PTPRG: variants seen among roughly 807,000 people sequenced by gnomAD.
PTPRG encodes protein tyrosine phosphatase receptor type G.
In PTPRG, 102 loss-of-function variants were observed where a neutral mutation model predicts 165.3. The observed-to-expected ratio is 0.62, with a 90% CI of 0.53 to 0.73. The LOEUF (loss-of-function observed/expected upper bound fraction) is 0.73. Among genes scored for constraint, PTPRG ranks in the 30% least tolerant of loss-of-function variants. PTPRG has a pLI of 0.00. For synonymous variants in PTPRG, 675 were observed against 669.5 expected (o/e 1.01, Z -0.13); for missense variants, 1,866 against 1,861.4 (o/e 1.00, Z -0.05).
intron 4 of PTPRG, among the ~76,000 whole-genome samples, chr3:62,009,129 A>G (rs1336906780): frequency 6.6e-6 from 1 of 152,240 alleles, no homozygotes; most frequent in Non-Finnish European, 1.5e-5. Flanking sequence ...TCATAAAAAG[A>G]ACAAAATACC....
intron 2 of PTPRG, among the ~76,000 whole-genome samples, chr3:61,894,162 G>C (rs2038287803): frequency 2.0e-5 from 3 of 151,874 alleles, no homozygotes; most frequent in African/African-American, 7.3e-5. Context: ...AAATCAGCTG[G>C]GTGTAGTGGT....
chr3:61,944,615 C>T (rs1193067641), intron 2 of PTPRG, among the ~76,000 whole-genome samples: 3 of 152,052 alleles, frequency 2.0e-5, no homozygotes, highest in Admixed American at 1.3e-4. Flanking sequence ...TTTGTGAGTT[C>T]GAGATCGTTG....
intron 1 of PTPRG, among the ~76,000 whole-genome samples, chr3:61,685,710 A>G (rs544293657): frequency 3.1e-4 from 47 of 152,272 alleles, no homozygotes; most frequent in African/African-American, 1.1e-3. Context: ...TACCTCCACT[A>G]TCTGTGTTGG....
At chr3:61,943,020 A>G (rs779861633) in intron 2 of PTPRG, among the ~76,000 whole-genome samples, 1 of 151,962 alleles carries the variant, frequency 6.6e-6, no homozygotes, top group Non-Finnish European at 1.5e-5. Context: ...CCAGGTGCAG[A>G]ATGGGGACTT....
chr3:61,840,105 C>T (rs2036581650), intron 2 of PTPRG, among the ~76,000 whole-genome samples: 1 of 152,028 alleles, frequency 6.6e-6, no homozygotes, highest in African/African-American at 2.4e-5. Flanking sequence ...TGCATTTTCC[C>T]CTTGATATTA....
intron 2 of PTPRG, among the ~76,000 whole-genome samples, chr3:61,945,560 C>CAAAAAAAAAAAAAAAAAAAA (rs71123242): frequency 3.6e-5 from 2 of 55,462 alleles, no homozygotes; most frequent in African/African-American, 7.0e-5. Context: ...ACTCCGTCAC[C>CAAAAAAAAAAAAAAAAAAAA]AAAAAAAAAA....
intron 1 of PTPRG, among the ~76,000 whole-genome samples, chr3:61,680,221 C>G (rs1383400940): frequency 6.6e-6 from 1 of 152,138 alleles, no homozygotes; most frequent in Non-Finnish European, 1.5e-5. Flanking sequence ...TGCCCCCTTT[C>G]ACTCTCCAAA....
At chr3:62,057,540 T>C (rs1700672695) in intron 4 of PTPRG, among the ~76,000 whole-genome samples, 1 of 152,184 alleles carries the variant, frequency 6.6e-6, no homozygotes, top group Admixed American at 6.5e-5. Flanking sequence ...GCCAGTAATG[T>C]GGTTGTGTAC....
At chr3:61,718,212 C>CCAAAAAAAAAAAAAAAAAAAAACAAAAA (rs2031897138) in intron 1 of PTPRG, among the ~76,000 whole-genome samples, 1 of 110,044 alleles carries the variant, frequency 9.1e-6, no homozygotes. Flanking sequence ...AAAACAAAAA[C>CCAAAAAAAAAAAAAAAAAAAAACAAAAA]CAAAAAAAAA....
At chr3:62,267,930 GA>G (rs1701937044) in intron 19 of PTPRG, 111 bp downstream of exon 19, 6 of 1,258,766 alleles carry the variant, frequency 4.8e-6, no homozygotes, top group Non-Finnish European at 6.6e-6. Context: ...TTACGGAAAT[GA>G]AAAGTGTTCT....
At chr3:61,574,891 C>T (rs1258014052) in intron 1 of PTPRG, among the ~76,000 whole-genome samples, 1 of 152,114 alleles carries the variant, frequency 6.6e-6, no homozygotes, top group Non-Finnish European at 1.5e-5. Flanking sequence ...CTAATCCATT[C>T]CCACGAGAAG....
At chr3:61,624,947 G>C (rs775503804) in intron 1 of PTPRG, among the ~76,000 whole-genome samples, 2 of 151,994 alleles carry the variant, frequency 1.3e-5, no homozygotes, top group Non-Finnish European at 2.9e-5. Context: ...GTGTCAGCAG[G>C]GTTAATTCCT....
chr3:61,603,212 T>A (rs1283160887), intron 1 of PTPRG, among the ~76,000 whole-genome samples: 1 of 152,118 alleles, frequency 6.6e-6, no homozygotes, highest in Non-Finnish European at 1.5e-5. Context: ...CTGATAAAGT[T>A]TGGATGTTTG....
Position 61,562,257 on chromosome 3 carries a change from G to C in PTPRG, c.-31G>C. The C allele has an allele frequency of 6.2e-7, 1 of 1,601,510 alleles. No individual in the cohort carries two copies. Among genetic ancestry groups the C allele is most frequent in the Non-Finnish European group, 8.6e-7 (1 of 1,168,698 alleles). Reference sequence around the variant, plus strand: ...ACTTATTCAACAAGTTTACCTCCCTGCTTTCCTCTTTTCGATGTGCGTTTT... The same window carrying C: ...ACTTATTCAACAAGTTTACCTCCCTCCTTTCCTCTTTTCGATGTGCGTTTT... On this transcript the variant is annotated 5_prime_UTR_variant, in exon 1 of 30. Transcript: ENST00000474889.
intron 2 of PTPRG, among the ~76,000 whole-genome samples, chr3:61,934,544 G>A (rs1407957994): frequency 6.6e-6 from 1 of 151,920 alleles, no homozygotes; most frequent in Non-Finnish European, 1.5e-5. Flanking sequence ...TCCTGACTAC[G>A]CCTATCTTGC....
At chr3:62,128,943 C>G (rs1703414527) in intron 5 of PTPRG, among the ~76,000 whole-genome samples, 1 of 151,892 alleles carries the variant, frequency 6.6e-6, no homozygotes, top group Non-Finnish European at 1.5e-5. Context: ...GATTCCCCAC[C>G]CTGACTTTTG....
At chr3:61,772,569 C>T (rs577097255) in intron 2 of PTPRG, among the ~76,000 whole-genome samples, 48 of 152,194 alleles carry the variant, frequency 3.2e-4, no homozygotes, top group Admixed American at 9.2e-4. Context: ...TTTGTACATA[C>T]ACTCTTTTCT....
chr3:62,069,395 A>G (rs1396035650), intron 4 of PTPRG, among the ~76,000 whole-genome samples: 6 of 152,180 alleles, frequency 3.9e-5, no homozygotes, highest in Non-Finnish European at 8.8e-5. Context: ...TGTAAGCTGT[A>G]AGAGTGTGAA....
chr3:61,663,853 C>A (rs1219446818), intron 1 of PTPRG, among the ~76,000 whole-genome samples: 1 of 152,160 alleles, frequency 6.6e-6, no homozygotes, highest in Non-Finnish European at 1.5e-5. Context: ...TACCACTGAT[C>A]TGACAGGCGG....
Sources: gnomAD v4.1 joint callset for allele counts (sites outside exome capture counted in the v4.1 genomes callset) on GRCh38, gnomAD v4.1.1 for gene constraint, MANE v1.5 for transcripts, NCBI Gene and HGNC (gene_info 2026-07-23, HGNC 2026-07-21) for gene names.